The following SMAD3 variants were observed in gnomAD, a reference collection of about 807,000 sequenced individuals.
The protein encoded by SMAD3 is SMAD family member 3.
A neutral mutation model predicts 51.8 loss-of-function variants in SMAD3; 12 were observed. The ratio of observed to expected loss-of-function variants is 0.23; its 90% CI spans 0.15 to 0.38. The LOEUF (loss-of-function observed/expected upper bound fraction) is 0.38, where lower values mean the gene tolerates loss of function less well. Ranked by LOEUF, SMAD3 falls within the 10% of genes least tolerant of loss-of-function variation. SMAD3 has a pLI of 1.00. For synonymous variants in SMAD3, 238 were observed against 227.7 expected, an observed-to-expected ratio of 1.05 and a Z score of -0.41; for missense variants, 294 against 565.6, an observed-to-expected ratio of 0.52 and a Z score of 4.87.
chr15:67,165,075 A>G lies in SMAD3; in HGVS notation c.387A>G (p.Arg129=). The change falls in exon 2 of 9, where the codon AGA becomes AGG. Residue 129 remains arginine (R), a synonymous_variant. Coordinates refer to ENST00000327367, the MANE Select transcript of SMAD3 (RefSeq NM_005902.4). The part of the protein sequence containing the change: ...EVCVNPYHYQ[R]VETPVLPPVL... ...GCGTGAATCCCTACCACTACCAGAG[A>G]GTAGAGACACCAGGTATGCTGCCTG... The G allele has an allele frequency of 6.2e-6, 10 of 1,614,158 alleles. No individual in the cohort carries two copies. Among genetic ancestry groups the G allele is most frequent in the Non-Finnish European group, 8.5e-6 (10 of 1,180,018 alleles).
At chr15:67,097,733 T>C (rs1009232911) in intron 1 of SMAD3, among the ~76,000 whole-genome samples, 20 of 152,072 alleles carry the variant, frequency 1.3e-4, no homozygotes, top group African/African-American at 4.3e-4. Context: ...ATGCTAGCAA[T>C]GGTCATGATG....
intron 1 of SMAD3, among the ~76,000 whole-genome samples, chr15:67,154,226 G>A (rs1962223333): frequency 1.3e-5 from 2 of 152,200 alleles, no homozygotes; most frequent in Non-Finnish European, 2.9e-5. Flanking sequence ...ATAGGGGGCT[G>A]CAGCCTGGCA....
At chr15:67,113,291 C>T (rs191318451) in intron 1 of SMAD3, among the ~76,000 whole-genome samples, 12 of 149,216 alleles carry the variant, frequency 8.0e-5, no homozygotes, top group African/African-American at 2.7e-4. Flanking sequence ...GAGGTTTCAC[C>T]GTGTTAGCCA....
intron 5 of SMAD3, among the ~76,000 whole-genome samples, chr15:67,178,211 T>C (rs754171769): frequency 2.5e-4 from 38 of 152,210 alleles, no homozygotes; most frequent in Non-Finnish European, 4.6e-4. Flanking sequence ...CTGAGGGTCC[T>C]TGAAGCCCAC....
rs1349679932 is a variant in SMAD3, at chr15:67,163,970, T to C, written c.207-925T>C. On this transcript the variant is annotated intron_variant, in intron 1 of 8. Coordinates refer to ENST00000327367, the MANE Select transcript of SMAD3 (RefSeq NM_005902.4). The stretch of plus-strand genomic sequence containing the variant: ...AAAAAAAAAAAAAAAAAAAAAAAAA[T>C]CCCTTTAATTTCCGTCTTTCACTCC... Among the ~76,000 whole-genome samples the C allele has an allele frequency of 9.2e-4, 79 of 86,016 alleles. 2 individuals carry two copies. Among genetic ancestry groups the C allele is most frequent in the Admixed American group, 8.7e-3 (74 of 8,480 alleles). The allele number at this position is 86,016 out of a possible 152,430, so 56.4% of individuals were successfully genotyped here. A position where few individuals can be genotyped will look rare whatever the true frequency, so the allele number is the denominator to read the frequency against.
chr15:67,085,554 T>G (rs916873139), intron 1 of SMAD3, among the ~76,000 whole-genome samples: 1 of 152,180 alleles, frequency 6.6e-6, no homozygotes, highest in Non-Finnish European at 1.5e-5. Context: ...AGGTTTGGGG[T>G]TCAGGGTGGG....
chr15:67,098,852 G>A, intron 1 of SMAD3: 1 of 701,016 alleles, frequency 1.4e-6, no homozygotes, highest in Non-Finnish European at 2.6e-6. Context: ...GGGATTTGGG[G>A]ACGGTGGGAG....
intron 3 of SMAD3, 147 bp downstream of exon 3, chr15:67,165,531 C>G: frequency 1.1e-6 from 1 of 932,482 alleles, no homozygotes; most frequent in Non-Finnish European, 1.6e-6. Flanking sequence ...GCCCCTGACT[C>G]AGAACCGCAT....
chr15:67,176,005 G>A (rs947404957), intron 5 of SMAD3, among the ~76,000 whole-genome samples: 5 of 152,156 alleles, frequency 3.3e-5, no homozygotes, highest in African/African-American at 4.8e-5. Flanking sequence ...CTGAGGGCCC[G>A]GTTTTTAGAC....
At chr15:67,103,860 G>T (rs1167446735) in intron 1 of SMAD3, among the ~76,000 whole-genome samples, 1 of 152,172 alleles carries the variant, frequency 6.6e-6, no homozygotes, top group African/African-American at 2.4e-5. Context: ...CTCGTTGCTG[G>T]ATTGCCATAA....
rs540845035 is a variant in SMAD3, at chr15:67,090,118, C to T, written c.206+23758C>T. On this transcript the variant is annotated intron_variant, in intron 1 of 8. Transcript: ENST00000327367. ...GAACACCACCCTAAGGGGGTGGTGACAGGTGGCACTGGGAGTGGCTGGAGT... is the reference window on the plus strand; with the variant it reads ...GAACACCACCCTAAGGGGGTGGTGATAGGTGGCACTGGGAGTGGCTGGAGT... 2.9e-3 allele frequency among the ~76,000 whole-genome samples: 447 copies of T among 152,290 alleles called. 3 individuals carry two copies. Among genetic ancestry groups the T allele is most frequent in the African/African-American group, 0.01 (426 of 41,562 alleles).
chr15:67,156,761 CAT>C (rs1962293362), intron 1 of SMAD3, among the ~76,000 whole-genome samples: 1 of 119,984 alleles, frequency 8.3e-6, no homozygotes, highest in Non-Finnish European at 1.6e-5. Context: ...GTCTGCTCCA[CAT>C]GTTTTCATTT....
chr15:67,110,610 C>T (rs2140233515), intron 1 of SMAD3, among the ~76,000 whole-genome samples: 1 of 152,316 alleles, frequency 6.6e-6, no homozygotes, highest in Middle Eastern at 3.4e-3. Context: ...GTTACTTGTT[C>T]TGCCTCTCTG....
At chr15:67,066,384 C>T (rs752605819) in intron 1 of SMAD3, 24 bp downstream of exon 1, 19 of 1,598,756 alleles carry the variant, frequency 1.2e-5, no homozygotes, top group Admixed American at 3.4e-5. Context: ...CGGGGGGGAC[C>T]CGGGGTCACG....
chr15:67,075,003 C>T (rs1330608745), intron 1 of SMAD3, among the ~76,000 whole-genome samples: 1 of 152,036 alleles, frequency 6.6e-6, no homozygotes, highest in African/African-American at 2.4e-5. Flanking sequence ...AGTTGTAACT[C>T]TGAGGTGTCA....
intron 1 of SMAD3, among the ~76,000 whole-genome samples, chr15:67,089,907 G>A (rs1309634767): frequency 6.6e-6 from 1 of 152,208 alleles, no homozygotes; most frequent in Non-Finnish European, 1.5e-5. Context: ...TGGGGGTGGG[G>A]AAGCATGAGC....
chr15:67,192,641 C>A lies in SMAD3; in HGVS notation c.*2105C>A, dbSNP rs557746378. The A allele has an allele frequency of 4.3e-6, 1 of 233,094 alleles. No individual in the cohort carries two copies. Among genetic ancestry groups the A allele is most frequent in the African/African-American group, 2.2e-5 (1 of 45,336 alleles). 14.4% of individuals were successfully genotyped at this position (233,094 alleles called of 1,614,324 possible). ...GGGCCTGCATGATCCACCTGCTGCA[C>A]GATCCTATGAGGGCTTCCTGTGGCA... On this transcript the variant is annotated 3_prime_UTR_variant, in exon 9 of 9. Transcript: ENST00000327367.
intron 1 of SMAD3, among the ~76,000 whole-genome samples, chr15:67,132,710 T>C (rs1961555362): frequency 6.6e-6 from 1 of 152,224 alleles, no homozygotes; most frequent in African/African-American, 2.4e-5. Flanking sequence ...CCAGAACTGT[T>C]GCATGAATTG....
intron 1 of SMAD3, among the ~76,000 whole-genome samples, chr15:67,082,149 A>G (rs1253695029): frequency 6.6e-6 from 1 of 151,892 alleles, no homozygotes; most frequent in Non-Finnish European, 1.5e-5. Flanking sequence ...AGATAGTGCT[A>G]TAATTGTGTT....
Sources: allele counts gnomAD v4.1 joint callset (sites outside exome capture counted in the v4.1 genomes callset), GRCh38; gene constraint gnomAD v4.1.1; transcripts MANE v1.5; gene names NCBI Gene and HGNC (gene_info 2026-07-23, HGNC 2026-07-21).